Variants in TRPC5 observed in about 807,000 individuals in gnomAD.
TRPC5 encodes the protein short transient receptor potential channel 5.
Under a neutral mutation model 56.5 loss-of-function variants are expected in TRPC5, and 9 were observed. The ratio of observed to expected loss-of-function variants is 0.16; its 90% CI spans 0.10 to 0.28. TRPC5 has a LOEUF of 0.28. Among genes scored for constraint, TRPC5 ranks in the 10% least tolerant of loss-of-function variants. The pLI, the probability that TRPC5 is intolerant of heterozygous loss-of-function variation, is 1.00. For synonymous variants in TRPC5, 282 were observed against 278.5 expected (o/e 1.01, Z -0.13); for missense variants, 469 against 748.9 (o/e 0.63, Z 4.36).
intron 1 of TRPC5, among the ~76,000 whole-genome samples, chrX:111,995,882 G>A (rs1431470693): frequency 5.5e-5 from 6 of 108,438 alleles, no homozygotes; most frequent in Non-Finnish European, 1.1e-4. Flanking sequence ...TTCTTTATTA[G>A]TCTTGCTAGC....
chrX:111,775,003 G>T lies in TRPC5; in HGVS notation c.*1310C>A, dbSNP rs759162857. ...CAGTGGTTATCAGGTCTAGAATGAT[G>T]ACCATATGCATTATGGACTTTATTT... is the stretch of plus-strand genomic sequence containing the variant. On this transcript the variant is annotated 3_prime_UTR_variant, in exon 11 of 11. Coordinates refer to ENST00000262839, the MANE Select transcript of TRPC5 (RefSeq NM_012471.3). 9.0e-6 allele frequency: 1 copy of T among 111,219 alleles called. No individual in the cohort carries two copies. The highest frequency in any genetic ancestry group is 3.3e-5 in the African/African-American group (1 of 30,663). 9.2% of individuals were successfully genotyped at this position (111,219 alleles called of 1,213,427 possible).
At chrX:112,044,637 T>C (rs1221504893) in intron 1 of TRPC5, among the ~76,000 whole-genome samples, 3 of 112,252 alleles carry the variant, frequency 2.7e-5, no homozygotes, top group African/African-American at 6.5e-5. Context: ...CAATGAATAT[T>C]AAAAGGCTAC....
intron 1 of TRPC5, among the ~76,000 whole-genome samples, chrX:112,079,128 C>A (rs765768785): frequency 1.2e-4 from 13 of 111,880 alleles, no homozygotes; most frequent in African/African-American, 4.2e-4. Flanking sequence ...AGAGATTCTG[C>A]GCCTTATATT....
chrX:111,834,476 T>C (rs1922505826), intron 7 of TRPC5, among the ~76,000 whole-genome samples: 1 of 110,942 alleles, frequency 9.0e-6, no homozygotes, highest in Admixed American at 9.7e-5. Context: ...TGTCTCTCTC[T>C]CAGAAGACCA....
At chrX:111,949,501 A>G (rs2148637265) in intron 2 of TRPC5, among the ~76,000 whole-genome samples, 1 of 111,764 alleles carries the variant, frequency 8.9e-6, no homozygotes, top group South Asian at 3.8e-4. Flanking sequence ...AACAACAACA[A>G]CAAAAACAAT....
intron 2 of TRPC5, among the ~76,000 whole-genome samples, chrX:111,942,872 A>G (rs1385812781): frequency 1.8e-5 from 2 of 112,115 alleles, no homozygotes; most frequent in African/African-American, 3.3e-5. Context: ...TAAACAAGGT[A>G]AATGACCTTC....
At chrX:111,933,463 G>A (rs1051741872) in intron 2 of TRPC5, among the ~76,000 whole-genome samples, 9 of 110,625 alleles carry the variant, frequency 8.1e-5, no homozygotes, top group Admixed American at 7.8e-4. Flanking sequence ...CTTTCTAATG[G>A]GACATGTGTA....
intron 7 of TRPC5, among the ~76,000 whole-genome samples, chrX:111,810,385 C>A (rs964147256): frequency 9.0e-6 from 1 of 111,299 alleles, no homozygotes; most frequent in African/African-American, 3.3e-5. Context: ...TGACTCTAAT[C>A]TTAGGTAACA....
At chrX:111,813,884 G>A (rs1325613429) in intron 7 of TRPC5, among the ~76,000 whole-genome samples, 4 of 112,182 alleles carry the variant, frequency 3.6e-5, no homozygotes, top group Non-Finnish European at 7.5e-5. Context: ...ATGCCAAAGA[G>A]AAGCGAGAGG....
chrX:112,025,810 C>A (rs1334275260), intron 1 of TRPC5, among the ~76,000 whole-genome samples: 1 of 111,153 alleles, frequency 9.0e-6, no homozygotes, highest in Non-Finnish European at 1.9e-5. Flanking sequence ...AAGCCATAGT[C>A]CCACAGATAT....
chrX:111,844,587 T>G (rs752783976), intron 6 of TRPC5, among the ~76,000 whole-genome samples: 1 of 106,914 alleles, frequency 9.4e-6, no homozygotes, highest in Admixed American at 1.0e-4. Context: ...TGCCTCAGCC[T>G]CCCAAGTAGC....
intron 1 of TRPC5, among the ~76,000 whole-genome samples, chrX:111,962,410 C>T (rs746652211): frequency 2.7e-5 from 3 of 112,031 alleles, no homozygotes; most frequent in Non-Finnish European, 3.8e-5. Context: ...ATACTTCCAT[C>T]TTGTGGGAAA....
intron 1 of TRPC5, among the ~76,000 whole-genome samples, chrX:112,038,376 CT>C (rs1212411788): frequency 1.8e-5 from 2 of 112,189 alleles, no homozygotes; most frequent in Non-Finnish European, 3.8e-5. Context: ...TGATTTTCAG[CT>C]TTTCAGTGTG....
chrX:112,021,567 G>C (rs1929272502), intron 1 of TRPC5, among the ~76,000 whole-genome samples: 1 of 112,430 alleles, frequency 8.9e-6, no homozygotes, highest in African/African-American at 3.2e-5. Context: ...AATAGGGAAA[G>C]ATGTTCAAAC....
intron 1 of TRPC5, among the ~76,000 whole-genome samples, chrX:111,985,584 C>T (rs1928191283): frequency 1.8e-5 from 2 of 111,681 alleles, no homozygotes; most frequent in Non-Finnish European, 3.8e-5. Flanking sequence ...ACCTGGTTTC[C>T]CCTTCATTCA....
At chrX:111,780,345 A>G (rs1945910042) in intron 9 of TRPC5, among the ~76,000 whole-genome samples, 2 of 110,292 alleles carry the variant, frequency 1.8e-5, no homozygotes, top group Non-Finnish European at 3.8e-5. Flanking sequence ...GATTAAAGTC[A>G]TGTTGTAATT....
intron 2 of TRPC5, among the ~76,000 whole-genome samples, chrX:111,934,111 A>G (rs143524911): frequency 0.03 from 3,294 of 110,646 alleles, 131 homozygotes; most frequent in African/African-American, 0.1. Context: ...TCTCTGTGGA[A>G]AAGCTTTTTA....
At chrX:112,023,396 TCA>T (rs199883175) in intron 1 of TRPC5, among the ~76,000 whole-genome samples, 1,377 of 108,148 alleles carry the variant, frequency 0.013, 18 homozygotes, top group African/African-American at 0.043. Context: ...TGTGGGTTTC[TCA>T]CAGTCCTTGG....
chrX:112,028,079 C>A (rs1276543662), intron 1 of TRPC5, among the ~76,000 whole-genome samples: 1 of 111,290 alleles, frequency 9.0e-6, no homozygotes, highest in African/African-American at 3.3e-5. Flanking sequence ...GTACATATTT[C>A]TTTTCTTCTT....
Sources: gnomAD v4.1 joint callset for allele counts (sites outside exome capture counted in the v4.1 genomes callset) on GRCh38, gnomAD v4.1.1 for gene constraint, MANE v1.5 for transcripts, NCBI Gene and HGNC (gene_info 2026-07-23, HGNC 2026-07-21) for gene names.